The following SPATA6 variants were observed in gnomAD, a reference collection of about 807,000 sequenced individuals.
SPATA6 encodes spermatogenesis-associated protein 6.
In SPATA6, 56 loss-of-function variants were observed where a neutral mutation model predicts 65.3. The ratio of observed to expected loss-of-function variants is 0.86; its 90% CI spans 0.69 to 1.07. The LOEUF is 1.07. Among genes scored for constraint, SPATA6 ranks in the 50% least tolerant of loss-of-function variants. The probability of loss-of-function intolerance (pLI) is 0.00; values close to 1 mark genes in which losing one functional copy is unlikely to be tolerated. For synonymous variants in SPATA6, 199 were observed against 213.2 expected (o/e 0.93, Z 0.58); for missense variants, 590 against 594.8 (o/e 0.99, Z 0.08).
chr1:48,280,897 C>CCAATATCCTTGATGAACA, the SPATA6 span, among the ~76,000 whole-genome samples: 1 of 152,280 alleles, frequency 6.6e-6, no homozygotes, highest in Non-Finnish European at 1.5e-5. Flanking sequence ...GAATTTTAGA[C>CCAATATCCTTGATGAACA]CAATATCCTT....
chr1:48,317,446 A>G (rs372587117), intron 11 of SPATA6, among the ~76,000 whole-genome samples: 2 of 151,464 alleles, frequency 1.3e-5, no homozygotes, highest in East Asian at 2.0e-4. Context: ...CAAACACCGC[A>G]TGTTCTCACT....
chr1:48,373,071 T>C (rs1364151647), intron 9 of SPATA6, among the ~76,000 whole-genome samples: 1 of 152,224 alleles, frequency 6.6e-6, no homozygotes, highest in African/African-American at 2.4e-5. Context: ...GGCTCCTTGC[T>C]ACTTATGCAA....
At chr1:48,304,200 C>T (rs927453951) in intron 12 of SPATA6, among the ~76,000 whole-genome samples, 2 of 152,146 alleles carry the variant, frequency 1.3e-5, no homozygotes, top group Non-Finnish European at 2.9e-5. Flanking sequence ...AGATACTCTT[C>T]TGAAAGGTCT....
intron 9 of SPATA6, among the ~76,000 whole-genome samples, chr1:48,380,378 C>T (rs1432014063): frequency 6.6e-6 from 1 of 152,168 alleles, no homozygotes; most frequent in Admixed American, 6.5e-5. Context: ...CACCTACTAT[C>T]CCCTAAGGGA....
chr1:48,435,034 T>C (rs2148073881), intron 3 of SPATA6, among the ~76,000 whole-genome samples: 1 of 151,156 alleles, frequency 6.6e-6, no homozygotes, highest in South Asian at 2.1e-4. Flanking sequence ...TTAATATATA[T>C]CTCCCTAGAG....
chr1:48,405,790 A>G (rs1651644974), intron 5 of SPATA6, among the ~76,000 whole-genome samples: 1 of 152,174 alleles, frequency 6.6e-6, no homozygotes, highest in Non-Finnish European at 1.5e-5. Flanking sequence ...TACCTTTTCA[A>G]TGAAGGAGTA....
chr1:48,323,819 T>G (rs1179695110), intron 11 of SPATA6, among the ~76,000 whole-genome samples: 1 of 152,110 alleles, frequency 6.6e-6, no homozygotes, highest in Non-Finnish European at 1.5e-5. Flanking sequence ...AATCCAAAAC[T>G]TGAATAGACT....
At chr1:48,469,962 C>T (rs1658111386) in intron 1 of SPATA6, among the ~76,000 whole-genome samples, 2 of 152,132 alleles carry the variant, frequency 1.3e-5, no homozygotes, top group South Asian at 4.2e-4. Context: ...TGCTGAGCAT[C>T]GATTTTCTTG....
chr1:48,313,247 T>G (rs563747462), intron 11 of SPATA6, among the ~76,000 whole-genome samples: 60 of 152,228 alleles, frequency 3.9e-4, no homozygotes, highest in African/African-American at 1.4e-3. Context: ...AATTGTCAGA[T>G]TCACCAAAGT....
At chr1:48,452,304 C>T (rs1258176919) in intron 2 of SPATA6, among the ~76,000 whole-genome samples, 1 of 151,462 alleles carries the variant, frequency 6.6e-6, no homozygotes, top group Middle Eastern at 3.2e-3. Flanking sequence ...GTAAGAAACA[C>T]AATTGGTCAT....
intron 11 of SPATA6, among the ~76,000 whole-genome samples, chr1:48,316,497 T>TG (rs886932431): frequency 2.4e-4 from 37 of 152,298 alleles, no homozygotes; most frequent in Non-Finnish European, 4.6e-4. Context: ...AAGCTGAAAC[T>TG]GGATCCCTTC....
intron 11 of SPATA6, among the ~76,000 whole-genome samples, chr1:48,308,337 C>T (rs1645112068): frequency 6.6e-6 from 1 of 151,948 alleles, no homozygotes; most frequent in South Asian, 2.1e-4. Flanking sequence ...GATATGGAAA[C>T]TTTGCTCTTA....
chr1:48,338,708 T>A (rs1225454662), intron 11 of SPATA6, among the ~76,000 whole-genome samples: 1 of 151,990 alleles, frequency 6.6e-6, no homozygotes, highest in Non-Finnish European at 1.5e-5. Flanking sequence ...CTCAAATATA[T>A]GAAAGGTTTT....
intron 11 of SPATA6, among the ~76,000 whole-genome samples, chr1:48,308,761 C>A (rs1461385869): frequency 6.6e-6 from 1 of 152,164 alleles, no homozygotes; most frequent in African/African-American, 2.4e-5. Context: ...TATCATTACA[C>A]TGCCTTTTGG....
At chr1:48,264,423 GGTTT>G in the SPATA6 span, among the ~76,000 whole-genome samples, 2 of 152,118 alleles carry the variant, frequency 1.3e-5, no homozygotes. Context: ...AGAACATGCA[GGTTT>G]GTTACATAGG....
intron 3 of SPATA6, among the ~76,000 whole-genome samples, chr1:48,425,560 A>C (rs1411900560): frequency 6.6e-6 from 1 of 152,194 alleles, no homozygotes; most frequent in Non-Finnish European, 1.5e-5. Flanking sequence ...CAGATAGCAA[A>C]ACTTAAGCTA....
At chr1:48,469,215 A>G (rs2245468) in intron 1 of SPATA6, among the ~76,000 whole-genome samples, 21,563 of 152,172 alleles carry the variant, frequency 0.14, 1,748 homozygotes, top group African/African-American at 0.21. Context: ...ATTTTTAGCA[A>G]AAAAATAAAA....
At chr1:48,313,988 T>C (rs1645316033) in intron 11 of SPATA6, among the ~76,000 whole-genome samples, 1 of 152,180 alleles carries the variant, frequency 6.6e-6, no homozygotes, top group Non-Finnish European at 1.5e-5. Flanking sequence ...CAAGAAGAGC[T>C]AACTATCCTA....
At chr1:48,471,328 C>T (rs1370574840) in intron 1 of SPATA6, among the ~76,000 whole-genome samples, 1 of 152,074 alleles carries the variant, frequency 6.6e-6, no homozygotes, top group African/African-American at 2.4e-5. Context: ...GGCACAAAGT[C>T]GGAAGGGTCT....
Sources: allele counts gnomAD v4.1 joint callset (sites outside exome capture counted in the v4.1 genomes callset), GRCh38; gene constraint gnomAD v4.1.1; transcripts MANE v1.5; gene names NCBI Gene and HGNC (gene_info 2026-07-23, HGNC 2026-07-21).